The following GRM7 variants were observed in gnomAD, a reference collection of about 807,000 sequenced individuals.
GRM7 encodes the protein metabotropic glutamate receptor 7.
Under a neutral mutation model 84.5 loss-of-function variants are expected in GRM7, and 35 were observed. The ratio of observed to expected loss-of-function variants is 0.41; its 90% confidence interval spans 0.32 to 0.55. The LOEUF is 0.55. Ranked by LOEUF, GRM7 falls within the 20% of genes least tolerant of loss-of-function variation. The pLI is 0.19. For missense variants in GRM7, 1,003 were observed against 1,194.6 expected, an observed-to-expected ratio of 0.84 and a Z score of 2.36; for synonymous variants, 487 against 455.1, an observed-to-expected ratio of 1.07 and a Z score of -0.89.
chr3:7,699,906 C>T (rs879030693), intron 9 of GRM7, among the ~76,000 whole-genome samples: 2 of 152,150 alleles, frequency 1.3e-5, no homozygotes, highest in South Asian at 2.1e-4. Flanking sequence ...GGAGTTGGAC[C>T]TGGCATAACT....
chr3:7,390,394 A>G (rs1004211502), intron 4 of GRM7, among the ~76,000 whole-genome samples: 2 of 152,132 alleles, frequency 1.3e-5, no homozygotes, highest in African/African-American at 4.8e-5. Context: ...GTTGACTTCT[A>G]TAGCAAGATT....
chr3:7,252,978 C>T (rs1235917202), intron 2 of GRM7, among the ~76,000 whole-genome samples: 1 of 136,772 alleles, frequency 7.3e-6, no homozygotes, highest in Non-Finnish European at 1.5e-5. Flanking sequence ...ACAGGAGCCA[C>T]TGCCTCTGGC....
Position 7,084,586 on chromosome 3 carries a change from G to A in GRM7, c.520-61866G>A, listed in dbSNP as rs140915544. Among the ~76,000 whole-genome samples, 657 of 152,246 alleles carry A rather than the reference G, an allele frequency of 4.3e-3. 5 individuals carry two copies. Among genetic ancestry groups the A allele is most frequent in the African/African-American group, 0.015 (609 of 41,556 alleles). The stretch of plus-strand genomic sequence containing the variant: ...TGGTGGAATCCAGTTGCTGTGTGCT[G>A]AGAGAAGATCCTGGGAGGAGCTGCT... On this transcript the variant is annotated intron_variant, in intron 1 of 9. Coordinates refer to ENST00000357716, the MANE Select transcript of GRM7 (RefSeq NM_000844.4).
chr3:7,117,009 A>G (rs1693058161), intron 1 of GRM7, among the ~76,000 whole-genome samples: 1 of 152,176 alleles, frequency 6.6e-6, no homozygotes, highest in Non-Finnish European at 1.5e-5. Flanking sequence ...TGTGCTTTAA[A>G]GGTGAAAGTG....
intron 1 of GRM7, among the ~76,000 whole-genome samples, chr3:6,886,088 G>T (rs1208478802): frequency 7.7e-6 from 1 of 130,414 alleles, no homozygotes; most frequent in Non-Finnish European, 1.6e-5. Context: ...GCCACACATA[G>T]TTACCATTGT....
At chr3:7,211,534 C>G (rs1009304823) in intron 2 of GRM7, among the ~76,000 whole-genome samples, 5 of 151,634 alleles carry the variant, frequency 3.3e-5, no homozygotes, top group African/African-American at 1.2e-4. Flanking sequence ...TAAAGTCAAC[C>G]CATTACCTTT....
intron 7 of GRM7, among the ~76,000 whole-genome samples, chr3:7,530,890 G>A (rs1701012815): frequency 6.6e-6 from 1 of 151,926 alleles, no homozygotes; most frequent in African/African-American, 2.4e-5. Context: ...CTCCCATTCT[G>A]TAGGTTGCCT....
chr3:7,175,688 C>T (rs1377028170), intron 2 of GRM7, among the ~76,000 whole-genome samples: 3 of 152,022 alleles, frequency 2.0e-5, no homozygotes, highest in Non-Finnish European at 2.9e-5. Flanking sequence ...CAGGCAGGTG[C>T]CATCACTCCT....
chr3:7,223,408 A>T (rs2124881212), intron 2 of GRM7, among the ~76,000 whole-genome samples: 1 of 152,108 alleles, frequency 6.6e-6, no homozygotes, highest in Admixed American at 6.5e-5. Context: ...CTGCAATGTC[A>T]TCAGTAGATT....
intron 9 of GRM7, among the ~76,000 whole-genome samples, chr3:7,696,972 G>A (rs372459561): frequency 3.9e-5 from 6 of 152,202 alleles, no homozygotes; most frequent in African/African-American, 1.2e-4. Flanking sequence ...TCTATCAATC[G>A]GGTTGAGTAC....
chr3:7,032,764 TC>T (rs1696235495), intron 1 of GRM7, among the ~76,000 whole-genome samples: 1 of 152,158 alleles, frequency 6.6e-6, no homozygotes, highest in Non-Finnish European at 1.5e-5. Flanking sequence ...GGGAAGGGGA[TC>T]CTTTGACAAT....
chr3:7,261,886 TTCCCTCCCTCCC>T (rs1218115933), intron 2 of GRM7, among the ~76,000 whole-genome samples: 1 of 143,054 alleles, frequency 7.0e-6, no homozygotes, highest in African/African-American at 2.6e-5. Context: ...TCTGTCAGAA[TTCCCTCCCTCCC>T]TCCCTCCCTC....
intron 6 of GRM7, among the ~76,000 whole-genome samples, chr3:7,454,247 A>T (rs1364062502): frequency 6.6e-6 from 1 of 152,162 alleles, no homozygotes; most frequent in Non-Finnish European, 1.5e-5. Context: ...ATAAATTGAT[A>T]GGTTTCCTAA....
chr3:7,038,471 A>G (rs538853925), intron 1 of GRM7, among the ~76,000 whole-genome samples: 48 of 152,196 alleles, frequency 3.2e-4, no homozygotes, highest in Non-Finnish European at 5.9e-5. Flanking sequence ...GGCAGAGTTC[A>G]TTGACTTAGC....
intron 2 of GRM7, among the ~76,000 whole-genome samples, chr3:7,268,893 A>T (rs1698745744): frequency 1.3e-5 from 2 of 152,162 alleles, no homozygotes; most frequent in African/African-American, 4.8e-5. Flanking sequence ...CGAGTCCAGG[A>T]GCTCAGTCCA....
At chr3:7,089,293 G>A (rs975293286) in intron 1 of GRM7, among the ~76,000 whole-genome samples, 4 of 152,134 alleles carry the variant, frequency 2.6e-5, no homozygotes, top group Non-Finnish European at 5.9e-5. Flanking sequence ...AGGTATAAAA[G>A]TAGAAAGTTA....
chr3:7,084,071 T>C (rs975200906), intron 1 of GRM7, among the ~76,000 whole-genome samples: 6 of 152,056 alleles, frequency 3.9e-5, no homozygotes, highest in African/African-American at 1.4e-4. Flanking sequence ...ATGGGAACCG[T>C]AGGGGCAGGG....
rs116338911 is a variant in GRM7 at position 7,552,311 on chromosome 3, A to G, written c.1516-26111A>G. 3.5e-3 allele frequency among the ~76,000 whole-genome samples: 526 copies of G among 152,276 alleles called. 1 individual carries two copies. The highest frequency in any genetic ancestry group is 0.012 in the African/African-American group (494 of 41,554). Reference sequence around the variant, plus strand: ...TACAGCCCCACTCCTGGTTGCTTTCATCGGCTGGTGTTGAGTGTCTGTGGC... The same window carrying G: ...TACAGCCCCACTCCTGGTTGCTTTCGTCGGCTGGTGTTGAGTGTCTGTGGC... On this transcript the variant is annotated intron_variant, in intron 7 of 9. Coordinates refer to ENST00000357716, the MANE Select transcript of GRM7 (RefSeq NM_000844.4).
At position 7,032,889 on chromosome 3, in the gene GRM7, C is replaced by A. The variant is rs552090152; in HGVS notation, c.520-113563C>A. Among the ~76,000 whole-genome samples the A allele has an allele frequency of 6.6e-5, 10 of 152,130 alleles. No individual in the cohort carries two copies. The East Asian group carries it at 1.9e-3, about 29-fold the overall frequency. ...GACTTCTGACCTCTTACTCCAAGAG[C>A]CTTTCTAATGTCCTTTAACTTACCC... On this transcript the variant is annotated intron_variant, in intron 1 of 9. Transcript: ENST00000357716.
Sources: allele counts gnomAD v4.1 joint callset (sites outside exome capture counted in the v4.1 genomes callset), GRCh38; gene constraint gnomAD v4.1.1; transcripts MANE v1.5; gene names NCBI Gene and HGNC (gene_info 2026-07-23, HGNC 2026-07-21).